Variants in B3GAT1 observed in about 807,000 individuals in gnomAD.
B3GAT1 encodes the protein beta-1,3-glucuronyltransferase 1, also known as galactosylgalactosylxylosylprotein 3-beta-glucuronosyltransferase 1.
Under a neutral mutation model 28.4 loss-of-function variants are expected in B3GAT1, and 11 were observed. The observed-to-expected ratio is 0.39, with a 90% CI of 0.24 to 0.64. The LOEUF is 0.64. Ranked by LOEUF, B3GAT1 falls within the 30% of genes least tolerant of loss-of-function variation. The probability of loss-of-function intolerance (pLI) is 0.50; values close to 1 mark genes in which losing one functional copy is unlikely to be tolerated. For synonymous variants in B3GAT1, 255 were observed against 223.1 expected (o/e 1.14, Z -1.27); for missense variants, 375 against 491.0 (o/e 0.76, Z 2.23).
intron 1 of B3GAT1, among the ~76,000 whole-genome samples, chr11:134,397,183 G>A (rs1944521468): frequency 1.3e-5 from 2 of 152,178 alleles, no homozygotes; most frequent in East Asian, 1.9e-4. Flanking sequence ...TCCTGGGCCA[G>A]GTCAAGTTTT....
intron 1 of B3GAT1, among the ~76,000 whole-genome samples, chr11:134,398,443 C>A (rs540999549): frequency 6.6e-6 from 1 of 151,046 alleles, no homozygotes; most frequent in Admixed American, 6.6e-5. Flanking sequence ...TGCTCCTAAA[C>A]CTACTAAACA....
intron 5 of B3GAT1, among the ~76,000 whole-genome samples, chr11:134,381,256 A>G (rs1404099866): frequency 6.6e-6 from 1 of 152,204 alleles, no homozygotes. Context: ...TTGCTTCTGA[A>G]GTGTAGGTGG....
At chr11:134,391,438 G>A (rs1239309605) in intron 1 of B3GAT1, 1 of 152,312 alleles carries the variant, frequency 6.6e-6, no homozygotes, top group Non-Finnish European at 1.5e-5. Context: ...GCCAGCACTG[G>A]TCCCCTCTCG....
At chr11:134,396,324 ACCCTGCCTAGT>A (rs1174084157) in intron 1 of B3GAT1, among the ~76,000 whole-genome samples, 5 of 152,072 alleles carry the variant, frequency 3.3e-5, no homozygotes, top group African/African-American at 7.2e-5. Flanking sequence ...AGCTCCTCAG[ACCCTGCCTAGT>A]CCCATAGCTA....
chr11:134,406,658 C>T (rs531138265), intron 1 of B3GAT1, among the ~76,000 whole-genome samples: 11 of 152,308 alleles, frequency 7.2e-5, no homozygotes, highest in Admixed American at 7.2e-4. Context: ...AAAGCTCTTG[C>T]TGTTGCATGC....
chr11:134,406,180 G>A (rs1291722191), intron 1 of B3GAT1, among the ~76,000 whole-genome samples: 1 of 152,296 alleles, frequency 6.6e-6, no homozygotes, highest in Non-Finnish European at 1.5e-5. Context: ...CTGGGCTCTC[G>A]CCCTCCAGAC....
chr11:134,380,824 C>G (rs927870267), intron 5 of B3GAT1, 77 bp from the exon 6 acceptor site: 2 of 152,332 alleles, frequency 1.3e-5, no homozygotes, highest in Non-Finnish European at 2.9e-5. Flanking sequence ...GCAGGGCCAC[C>G]AGGACCTCTG....
In B3GAT1 at chr11:134,384,128, G is replaced by A. The variant is rs1165527366; in HGVS notation, c.173C>T (p.Thr58Met). The change falls in exon 3 of 6, where the codon ACG (threonine) becomes ATG (methionine). Residue 58 changes from threonine to methionine, a missense_variant. Physicochemically the swap from Thr to Met is moderately conservative, Grantham distance 81. Coordinates refer to ENST00000312527, the MANE Select transcript of B3GAT1 (RefSeq NM_054025.3). ...CACCTCCACGATGTCGCGGTCAGACGTGCAGTACTCCCTGGGGTCGGCGCC... is the reference window on the plus strand; with the variant it reads ...CACCTCCACGATGTCGCGGTCAGACATGCAGTACTCCCTGGGGTCGGCGCC... ...PPGADPREYC[T>M]SDRDIVEVVR... 2 of 1,582,094 alleles carry A rather than the reference G, an allele frequency of 1.3e-6. No individual in the cohort carries two copies. The highest frequency in any genetic ancestry group is 1.7e-6 in the Non-Finnish European group (2 of 1,163,832).
intron 1 of B3GAT1, among the ~76,000 whole-genome samples, chr11:134,406,411 G>T (rs1008774713): frequency 6.6e-6 from 1 of 152,078 alleles, no homozygotes; most frequent in African/African-American, 2.4e-5. Context: ...ACAAAGCAAG[G>T]TTGCTTTCCT....
intron 1 of B3GAT1, among the ~76,000 whole-genome samples, chr11:134,397,859 G>A (rs1304927558): frequency 6.6e-6 from 1 of 152,152 alleles, no homozygotes; most frequent in Non-Finnish European, 1.5e-5. Context: ...GGGCCTGAGT[G>A]GCAGTTAGGG....
intron 1 of B3GAT1, among the ~76,000 whole-genome samples, chr11:134,394,649 G>A (rs1239078266): frequency 1.3e-5 from 2 of 152,228 alleles, no homozygotes; most frequent in Non-Finnish European, 2.9e-5. Flanking sequence ...TGGGCCCTGG[G>A]ATGTCTGCAC....
intron 1 of B3GAT1, among the ~76,000 whole-genome samples, chr11:134,406,912 C>T (rs915013342): frequency 2.7e-5 from 4 of 145,562 alleles, no homozygotes; most frequent in South Asian, 2.1e-4. Context: ...TAGAACTTTC[C>T]GTGCCCAAAA....
Position 134,393,604 on chromosome 11 carries a change from A to G in B3GAT1, c.-281-5664T>C, listed in dbSNP as rs1157451891. Among the ~76,000 whole-genome samples the G allele has an allele frequency of 8.5e-5, 13 of 152,234 alleles. No homozygotes were observed. ...GACTCACCTTATGAAATTTTCATAG[A>G]AACAACACATTTACTTCAACACGCT... On this transcript the variant is annotated intron_variant, in intron 1 of 5. Coordinates refer to ENST00000312527, the MANE Select transcript of B3GAT1 (RefSeq NM_054025.3). The surrounding 1 kb of genome is among the most constrained non-coding windows in gnomAD (Gnocchi z 4.0).
chr11:134,405,594 G>A (rs767563992), intron 1 of B3GAT1, among the ~76,000 whole-genome samples: 5 of 152,106 alleles, frequency 3.3e-5, no homozygotes, highest in Admixed American at 6.5e-5. Flanking sequence ...GGCCCTGGGA[G>A]TCTCAGCGTT....
rs1445870289 is a variant in B3GAT1 at position 134,411,139 on chromosome 11, T to C, written c.-282+668A>G. On this transcript the variant is annotated intron_variant, in intron 1 of 5. Coordinates refer to ENST00000312527, the MANE Select transcript of B3GAT1 (RefSeq NM_054025.3). The surrounding 1 kb of genome is among the most constrained non-coding windows in gnomAD (Gnocchi z 6.0). ...GGACCTGGTGGCTTCCTTCTCTATT[T>C]CCTGCCTCAACTCTCAGCCTCCTTT... 6.6e-6 allele frequency among the ~76,000 whole-genome samples: 1 copy of C among 152,162 alleles called. No homozygotes were observed. The highest frequency in any genetic ancestry group is 1.5e-5 in the Non-Finnish European group (1 of 68,028).
At chr11:134,381,871 C>T (rs1944131554) in intron 5 of B3GAT1, 53 bp downstream of exon 5, 2 of 1,443,252 alleles carry the variant, frequency 1.4e-6, no homozygotes, top group African/African-American at 1.4e-5. Context: ...TTGATTCGGC[C>T]CAACCTGGTG....
intron 1 of B3GAT1, chr11:134,409,960 C>G (rs181963605): frequency 1.2e-4 from 18 of 153,078 alleles, no homozygotes; most frequent in African/African-American, 4.3e-4. Flanking sequence ...TTGGTGCATC[C>G]TCTTCCCCAT....
At chr11:134,382,622 CCT>C (rs1944159797) in intron 4 of B3GAT1, 86 bp downstream of exon 4, 7 of 1,474,032 alleles carry the variant, frequency 4.7e-6, no homozygotes, top group Non-Finnish European at 6.4e-6. Flanking sequence ...TATTTTGAGG[CCT>C]CTGTTTCCTT....
intron 1 of B3GAT1, among the ~76,000 whole-genome samples, chr11:134,407,877 G>C (rs1944764922): frequency 6.6e-6 from 1 of 152,162 alleles, no homozygotes; most frequent in Non-Finnish European, 1.5e-5. Context: ...GTCAGTGTTG[G>C]TGCAAGTGAA....
Sources: allele counts gnomAD v4.1 joint callset (sites outside exome capture counted in the v4.1 genomes callset), GRCh38; gene constraint gnomAD v4.1.1; non-coding constraint Gnocchi (gnomAD v3.1); transcripts MANE v1.5; gene names NCBI Gene and HGNC (gene_info 2026-07-23, HGNC 2026-07-21).